Variants in SRRM2 observed in about 807,000 individuals in gnomAD.
SRRM2 encodes serine/arginine repetitive matrix protein 2.
Under a neutral mutation model 213.8 loss-of-function variants are expected in SRRM2, and 30 were observed. That is an observed-to-expected ratio of 0.14 (90% CI 0.10 to 0.19). The LOEUF (loss-of-function observed/expected upper bound fraction) is 0.19. SRRM2 is among the 10% of genes least tolerant of loss of function. The pLI is 1.00. For synonymous variants in SRRM2, 2,025 were observed against 1,377.7 expected, an observed-to-expected ratio of 1.47 and a Z score of -10.40; for missense variants, 4,904 against 3,647.0, an observed-to-expected ratio of 1.34 and a Z score of -8.88.
chr16:2,756,504 C>T lies in SRRM2; in HGVS notation c.140C>T (p.Ala47Val). 3.1e-6 allele frequency: 5 copies of T among 1,614,048 alleles called. No homozygotes were observed. The highest frequency in any genetic ancestry group is 2.5e-6 in the Non-Finnish European group (3 of 1,179,980). ...GAGGAGGAACTGCGGCGCCTGGAGG[C>T]TGCCCTGGTGAAGCGGCCTAATCCT... ...KGEEELRRLE[A>V]ALVKRPNPDI... Residue 47 changes from alanine to valine, a missense_variant, in exon 2 of 15, where the codon GCT becomes GTT. Transcript: ENST00000301740.
In SRRM2 at chr16:2,759,775, G is replaced by A. The variant is rs761677314; in HGVS notation, c.833+114G>A. On this transcript the variant is annotated intron_variant, in intron 9 of 14. Coordinates refer to ENST00000301740, the MANE Select transcript of SRRM2 (RefSeq NM_016333.4). ...CTGCACAGACCATTCGGAAGACACGGTCCCTGCCCTCTAGGAGCTGACAGG... is the reference window on the plus strand; with the variant it reads ...CTGCACAGACCATTCGGAAGACACGATCCCTGCCCTCTAGGAGCTGACAGG... 2.8e-4 allele frequency: 252 copies of A among 900,126 alleles called. 2 individuals are homozygous for A. The highest frequency in any genetic ancestry group is 2.2e-4 in the Admixed American group (10 of 44,828). 55.8% of individuals were successfully genotyped at this position (900,126 alleles called of 1,614,324 possible). A position where few individuals can be genotyped will look rare whatever the true frequency, so the allele number is the denominator to read the frequency against.
chr16:2,753,878 T>A (rs1251573138), intron 1 of SRRM2, among the ~76,000 whole-genome samples: 2 of 152,200 alleles, frequency 1.3e-5, no homozygotes, highest in African/African-American at 4.8e-5. Context: ...GATGTCCATT[T>A]TTTTCGACAA....
chr16:2,769,427 T>G (rs2068660439), intron 12 of SRRM2, 143 bp downstream of exon 12: 1 of 945,250 alleles, frequency 1.1e-6, no homozygotes, highest in Non-Finnish European at 1.6e-6. Flanking sequence ...TGCTCTCCTC[T>G]CCCCATGCTC....
rs200114103 is a variant in SRRM2, at chr16:2,757,440, C to T, written c.243-32C>T. ...CCTGGGACTGGGGAAAGTGTCCTGT[C>T]GAGCTTAACCCTGAAGGGATTTGTT... On this transcript the variant is annotated intron_variant, in intron 2 of 14. Coordinates refer to ENST00000301740, the MANE Select transcript of SRRM2 (RefSeq NM_016333.4). The T allele has an allele frequency of 1.0e-4, 161 of 1,596,636 alleles. 2 individuals are homozygous for T. The South Asian group carries it at 1.3e-3, about 13-fold the overall frequency.
chr16:2,767,648 G>T lies in SRRM2; in HGVS notation c.7120G>T (p.Ala2374Ser). The change falls in exon 11 of 15, where the codon GCA becomes TCA. Residue 2374 changes from alanine (A) to serine (S), a missense_variant. Ala to Ser is a moderately conservative substitution (Grantham distance 99, BLOSUM62 1). Transcript: ENST00000301740. ...CCTCACCAGTGCTAGGATGGCTCCA[G>T]CATTGTCTGGTGCAAACCTCACCAG... is the stretch of plus-strand genomic sequence containing the variant. ...ASLTSARMAPALSGANLTSPR... is the reference protein window; with the variant it reads ...ASLTSARMAPSLSGANLTSPR... The T allele has an allele frequency of 6.2e-7, 1 of 1,614,154 alleles. No individual in the cohort carries two copies.
At position 2,756,462 on chromosome 16, in the gene SRRM2, G is replaced by A. The variant is rs779316968; in HGVS notation, c.98G>A (p.Arg33Gln). ...CTGGTGCGGGGCCGCCGGGGTGAGC[G>A]GCCTGACTACAAGGGAGAGGAGGAA... Reference protein sequence around the residue: ...LSLVRGRRGERPDYKGEEELR... With the variant: ...LSLVRGRRGEQPDYKGEEELR... Residue 33 changes from arginine to glutamine, a missense_variant, in exon 2 of 15, where the codon CGG (arginine) becomes CAG (glutamine). Physicochemically the swap from Arg to Gln is conservative, Grantham distance 43. Coordinates refer to ENST00000301740, the MANE Select transcript of SRRM2 (RefSeq NM_016333.4). 6.2e-6 allele frequency: 10 copies of A among 1,613,398 alleles called. No individual in the cohort carries two copies. The African/African-American group carries it at 8.0e-5, about 13-fold the overall frequency.
At position 2,764,199 on chromosome 16, in the gene SRRM2, A is replaced by T. The variant is rs1178707925; in HGVS notation, c.3671A>T (p.Glu1224Val). Residue 1224 changes from glutamate to valine, a missense_variant, in exon 11 of 15, where the codon GAG (glutamate) becomes GTG (valine). Glu to Val is a moderately radical substitution (Grantham distance 121, BLOSUM62 -2). Coordinates refer to ENST00000301740, the MANE Select transcript of SRRM2 (RefSeq NM_016333.4). ...SGAGSSPETK[E>V]QNSALPTSSQ... ...GCTGGGTCATCTCCAGAAACAAAAG[A>T]GCAAAATAGTGCATTGCCTACGTCA... The T allele has an allele frequency of 2.0e-5, 33 of 1,614,114 alleles. No individual in the cohort carries two copies. In the East Asian group the frequency reaches 7.1e-4, roughly 35 times the overall value.
chr16:2,759,304 T>A, intron 7 of SRRM2, 48 bp from the exon 8 acceptor site: 2 of 1,610,370 alleles, frequency 1.2e-6, no homozygotes, highest in Non-Finnish European at 1.7e-6. Flanking sequence ...TTGGTTTTAT[T>A]TCCTTTTTTA....
In SRRM2 at chr16:2,764,154, C is replaced by T. The variant is rs757097869; in HGVS notation, c.3626C>T (p.Pro1209Leu). ...SLVFKDTLRT[P>L]PRERSGAGSS... ...GTATTCAAAGACACACTTAGAACCCCGCCAAGGGAAAGAAGTGGTGCTGGG... is the reference window on the plus strand; with the variant it reads ...GTATTCAAAGACACACTTAGAACCCTGCCAAGGGAAAGAAGTGGTGCTGGG... Residue 1209 changes from proline (P) to leucine (L), a missense_variant, in exon 11 of 15, where the codon CCG (proline) becomes CTG (leucine). By Grantham distance (98) the Pro-to-Leu change is moderately conservative (BLOSUM62 -3). Transcript: ENST00000301740. 52 of 1,614,040 alleles carry T rather than the reference C, an allele frequency of 3.2e-5. No homozygotes were observed. In the Middle Eastern group the frequency reaches 4.9e-4, roughly 15 times the overall value.
Position 2,761,995 on chromosome 16 carries a change from CGCT to C in SRRM2, c.1468_1470del (p.Ala490del). The C allele has an allele frequency of 2.5e-6, 4 of 1,614,166 alleles. No homozygotes were observed. Among genetic ancestry groups the C allele is most frequent in the Non-Finnish European group, 3.4e-6 (4 of 1,180,036 alleles). ...TGGGGAGGTCCCGTAGCCCTGCCAC[CGCT>C]AAGAGAGGGCGATCTCGGTCTCGAA... On this transcript the variant is annotated inframe_deletion, in exon 11 of 15. Transcript: ENST00000301740.
At chr16:2,753,047 C>T (rs2067990073) in intron 1 of SRRM2, among the ~76,000 whole-genome samples, 1 of 149,768 alleles carries the variant, frequency 6.7e-6, no homozygotes, top group Admixed American at 6.6e-5. Context: ...CCCCCCCCCG[C>T]CCCTCCCCCA....
At chr16:2,753,978 G>A (rs2068044090) in intron 1 of SRRM2, among the ~76,000 whole-genome samples, 1 of 151,878 alleles carries the variant, frequency 6.6e-6, no homozygotes, top group Admixed American at 6.6e-5. Context: ...CTACTTCATT[G>A]TTAGCTTACC....
chr16:2,771,229 A>G lies in SRRM2; in HGVS notation c.*362A>G, dbSNP rs993799594. 4.4e-6 allele frequency: 3 copies of G among 683,054 alleles called. No homozygotes were observed. Among genetic ancestry groups the G allele is most frequent in the Non-Finnish European group, 7.7e-6 (3 of 388,280 alleles). 42.3% of individuals were successfully genotyped at this position (683,054 alleles called of 1,614,324 possible). A position where few individuals can be genotyped will look rare whatever the true frequency, so the allele number is the denominator to read the frequency against. On this transcript the variant is annotated 3_prime_UTR_variant, in exon 15 of 15. Coordinates refer to ENST00000301740, the MANE Select transcript of SRRM2 (RefSeq NM_016333.4). Reference sequence around the variant, plus strand: ...TGATTGTGATGGTGGTTGGGACTGGAGGTTGTATAAGGTGTTCTTGGAAGG... The same window carrying G: ...TGATTGTGATGGTGGTTGGGACTGGGGGTTGTATAAGGTGTTCTTGGAAGG...
chr16:2,755,361 G>A (rs2068104407), intron 1 of SRRM2, among the ~76,000 whole-genome samples: 1 of 152,154 alleles, frequency 6.6e-6, no homozygotes, highest in African/African-American at 2.4e-5. Context: ...GATTGGTGGG[G>A]AAAGCCAACG....
At position 2,765,345 on chromosome 16, in the gene SRRM2, A is replaced by T. The variant is rs979120392; in HGVS notation, c.4817A>T (p.Asp1606Val). The change falls in exon 11 of 15, where the codon GAT (aspartate) becomes GTT (valine). Residue 1606 changes from aspartate (D) to valine (V), a missense_variant. Physicochemically the swap from Asp to Val is radical, Grantham distance 152. Coordinates refer to ENST00000301740, the MANE Select transcript of SRRM2 (RefSeq NM_016333.4). Reference sequence around the variant, plus strand: ...TCTGGTTCCTCCCCTGAAGTGAAAGATAAGCCAAGAGCAGCACCCAGGGCA... The same window carrying T: ...TCTGGTTCCTCCCCTGAAGTGAAAGTTAAGCCAAGAGCAGCACCCAGGGCA... ...SRSGSSPEVK[D>V]KPRAAPRAQS... 4.3e-6 allele frequency: 7 copies of T among 1,614,152 alleles called. No homozygotes were observed. Among genetic ancestry groups the T allele is most frequent in the Non-Finnish European group, 5.9e-6 (7 of 1,180,014 alleles).
rs1567253904 is a variant in SRRM2 at position 2,771,349 on chromosome 16, GT to G, written c.*488del. On this transcript the variant is annotated 3_prime_UTR_variant, in exon 15 of 15. Coordinates refer to ENST00000301740, the MANE Select transcript of SRRM2 (RefSeq NM_016333.4). ...TTTCATGTTTCTTAAAGGCATTTTG[GT>G]TTTTTAAAATCTGTACAGCAAGAGC... The G allele has an allele frequency of 6.4e-7, 1 of 1,564,704 alleles. No homozygotes were observed. Among genetic ancestry groups the G allele is most frequent in the Non-Finnish European group, 8.8e-7 (1 of 1,137,858 alleles).
chr16:2,768,447 TAA>T (rs1294389298), intron 11 of SRRM2, 186 bp downstream of exon 11: 4 of 685,458 alleles, frequency 5.8e-6, no homozygotes, highest in African/African-American at 5.4e-5. Flanking sequence ...ATGGGACAGA[TAA>T]AAGTCTCCGA....
chr16:2,765,239 A>G lies in SRRM2; in HGVS notation c.4711A>G (p.Thr1571Ala), dbSNP rs1251639667. The G allele has an allele frequency of 2.5e-6, 4 of 1,613,828 alleles. No individual in the cohort carries two copies. The highest frequency in any genetic ancestry group is 3.4e-6 in the Non-Finnish European group (4 of 1,179,916). ...SSPDSKAKTR[T>A]PLRQRSRSGS... is the part of the protein sequence containing the mutation. Reference sequence around the variant, plus strand: ...TCCAGATTCTAAAGCCAAGACAAGAACCCCACTTCGGCAGAGGAGTCGGTC... The same window carrying G: ...TCCAGATTCTAAAGCCAAGACAAGAGCCCCACTTCGGCAGAGGAGTCGGTC... Residue 1571 changes from threonine (T) to alanine (A), a missense_variant, in exon 11 of 15, where the codon ACC (threonine) becomes GCC (alanine). Transcript: ENST00000301740.
rs757260345 is a variant in SRRM2 at position 2,763,148 on chromosome 16, G to C, written c.2620G>C (p.Glu874Gln). 4.0e-5 allele frequency: 65 copies of C among 1,614,074 alleles called. No individual in the cohort carries two copies. The highest frequency in any genetic ancestry group is 5.3e-5 in the Non-Finnish European group (63 of 1,180,010). The change falls in exon 11 of 15, where the codon GAA becomes CAA. Residue 874 changes from glutamate to glutamine, a missense_variant. Physicochemically the swap from Glu to Gln is conservative, Grantham distance 29. Coordinates refer to ENST00000301740, the MANE Select transcript of SRRM2 (RefSeq NM_016333.4). ...SVTPQRRSCF[E>Q]SSPDPELKSR... is the part of the protein sequence containing the mutation. ...AACGCCACAGAGACGGAGCTGTTTT[G>C]AATCATCACCTGACCCTGAGTTGAA...
Sources: gnomAD v4.1 joint callset for allele counts (sites outside exome capture counted in the v4.1 genomes callset) on GRCh38, gnomAD v4.1.1 for gene constraint, MANE v1.5 for transcripts, NCBI Gene and HGNC (gene_info 2026-07-23, HGNC 2026-07-21) for gene names.